The following ADAMTSL3 variants were observed in gnomAD, a reference collection of about 807,000 sequenced individuals.
ADAMTSL3 encodes the protein ADAMTS like 3, also known as ADAMTS-like protein 3.
In ADAMTSL3, 128 loss-of-function variants were observed where a neutral mutation model predicts 201.7. The observed-to-expected ratio is 0.63, with a 90% CI of 0.55 to 0.73. The LOEUF (loss-of-function observed/expected upper bound fraction) is 0.73. ADAMTSL3 is among the 30% of genes least tolerant of loss of function. The pLI, the probability that ADAMTSL3 is intolerant of heterozygous loss-of-function variation, is 0.00. For missense variants in ADAMTSL3, 1,990 were observed against 2,119.6 expected (o/e 0.94, Z 1.20); for synonymous variants, 738 against 748.4 (o/e 0.99, Z 0.23).
chr15:83,787,546 A>G (rs1310125638), intron 4 of ADAMTSL3, among the ~76,000 whole-genome samples: 2 of 152,130 alleles, frequency 1.3e-5, no homozygotes, highest in Non-Finnish European at 2.9e-5. Context: ...ATGTACATGT[A>G]TATAGTTTAA....
chr15:83,729,931 G>C (rs2062238765), intron 3 of ADAMTSL3, among the ~76,000 whole-genome samples: 3 of 152,024 alleles, frequency 2.0e-5, no homozygotes, highest in African/African-American at 4.8e-5. Flanking sequence ...GATGGGACTT[G>C]GGTATTGTGA....
chr15:83,967,926 A>G (rs1400912227), intron 19 of ADAMTSL3, among the ~76,000 whole-genome samples: 1 of 152,242 alleles, frequency 6.6e-6, no homozygotes, highest in Non-Finnish European at 1.5e-5. Context: ...GAAACAAGCA[A>G]TGGGGAAAAG....
At chr15:83,974,405 T>A (rs893002561) in intron 20 of ADAMTSL3, among the ~76,000 whole-genome samples, 1 of 152,212 alleles carries the variant, frequency 6.6e-6, no homozygotes, top group Admixed American at 6.5e-5. Flanking sequence ...GTGCTTCGAA[T>A]CAATGCCAGG....
At chr15:83,839,580 G>T (rs1198277509) in intron 7 of ADAMTSL3, among the ~76,000 whole-genome samples, 1 of 152,158 alleles carries the variant, frequency 6.6e-6, no homozygotes, top group African/African-American at 2.4e-5. Flanking sequence ...CTTGGAAGCA[G>T]GTAGTCCAAA....
chr15:83,995,703 C>T (rs1019315566), intron 23 of ADAMTSL3, among the ~76,000 whole-genome samples: 2 of 151,958 alleles, frequency 1.3e-5, no homozygotes, highest in Non-Finnish European at 2.9e-5. Flanking sequence ...AGAAAATATA[C>T]AAAGTTTTGG....
chr15:84,021,473 G>T lies in ADAMTSL3; in HGVS notation c.4337G>T (p.Arg1446Leu), dbSNP rs141060865. Reference protein sequence around the residue: ...CSATCGHLGARIQRPQCVMAN... With the variant: ...CSATCGHLGALIQRPQCVMAN... Reference sequence around the variant, plus strand: ...GCCACCTGTGGTCATTTGGGAGCCCGCATTCAGAGACCCCAGTGTGTGATG... The same window carrying T: ...GCCACCTGTGGTCATTTGGGAGCCCTCATTCAGAGACCCCAGTGTGTGATG... The change falls in exon 26 of 30, where the codon CGC becomes CTC. Residue 1446 changes from arginine to leucine, a missense_variant. Coordinates refer to ENST00000286744, the MANE Select transcript of ADAMTSL3 (RefSeq NM_207517.3). The T allele has an allele frequency of 1.2e-6, 2 of 1,614,086 alleles. No homozygotes were observed. The highest frequency in any genetic ancestry group is 2.2e-5 in the South Asian group (2 of 91,062).
chr15:84,000,070 A>G (rs538883373), intron 23 of ADAMTSL3, among the ~76,000 whole-genome samples: 1 of 152,212 alleles, frequency 6.6e-6, no homozygotes, highest in South Asian at 2.1e-4. Context: ...AAAAAAAAAA[A>G]AGAACTATCT....
intron 20 of ADAMTSL3, among the ~76,000 whole-genome samples, chr15:83,981,606 C>T (rs1033914033): frequency 6.6e-6 from 1 of 152,236 alleles, no homozygotes; most frequent in Non-Finnish European, 1.5e-5. Context: ...GATTCAAACT[C>T]AGGTTTATCT....
At chr15:83,969,394 A>C (rs947952778) in intron 19 of ADAMTSL3, among the ~76,000 whole-genome samples, 1 of 152,238 alleles carries the variant, frequency 6.6e-6, no homozygotes, top group African/African-American at 2.4e-5. Context: ...CAGTGAGCTG[A>C]GATCATGCCA....
At chr15:83,851,220 C>T (rs1254864861) in intron 7 of ADAMTSL3, among the ~76,000 whole-genome samples, 4 of 152,040 alleles carry the variant, frequency 2.6e-5, no homozygotes, top group Non-Finnish European at 5.9e-5. Flanking sequence ...AAGGGAATTC[C>T]AGTTTAGGAG....
intron 3 of ADAMTSL3, among the ~76,000 whole-genome samples, chr15:83,751,772 C>T (rs2062640626): frequency 6.6e-6 from 1 of 152,134 alleles, no homozygotes; most frequent in Non-Finnish European, 1.5e-5. Flanking sequence ...CTACTTGCTC[C>T]TCATTCATCC....
chr15:83,827,423 A>G (rs1463443682), intron 6 of ADAMTSL3, among the ~76,000 whole-genome samples: 1 of 152,178 alleles, frequency 6.6e-6, no homozygotes, highest in African/African-American at 2.4e-5. Flanking sequence ...CCTTTGTCAG[A>G]CGAGTAGATT....
chr15:83,818,972 T>C (rs1420915750), intron 5 of ADAMTSL3, among the ~76,000 whole-genome samples: 5 of 152,010 alleles, frequency 3.3e-5, no homozygotes, highest in Non-Finnish European at 1.5e-5. Context: ...GAAAGACAGA[T>C]GAATTAAAAA....
intron 17 of ADAMTSL3, among the ~76,000 whole-genome samples, chr15:83,934,158 C>A (rs1157389627): frequency 6.6e-6 from 1 of 152,152 alleles, no homozygotes; most frequent in Admixed American, 6.5e-5. Flanking sequence ...CAACGTCAGC[C>A]CATGAAAGCA....
At chr15:84,035,378 C>G (rs1194725484) in intron 28 of ADAMTSL3, among the ~76,000 whole-genome samples, 2 of 152,186 alleles carry the variant, frequency 1.3e-5, no homozygotes, top group African/African-American at 4.8e-5. Flanking sequence ...CAAGTTTCTT[C>G]AGTGGAAGGC....
intron 4 of ADAMTSL3, 107 bp downstream of exon 4, chr15:83,773,757 G>A (rs2063026966): frequency 4.3e-6 from 6 of 1,380,426 alleles, no homozygotes; most frequent in South Asian, 3.0e-5. Flanking sequence ...TGTGATGATG[G>A]TGTAACGTTT....
At chr15:83,973,934 G>A (rs963576702) in intron 20 of ADAMTSL3, among the ~76,000 whole-genome samples, 1 of 152,144 alleles carries the variant, frequency 6.6e-6, no homozygotes, top group Non-Finnish European at 1.5e-5. Flanking sequence ...CTCTTTGGAG[G>A]GGTAATTTTT....
At chr15:83,989,135 G>C (rs2141830261) in intron 22 of ADAMTSL3, among the ~76,000 whole-genome samples, 1 of 152,226 alleles carries the variant, frequency 6.6e-6, no homozygotes, top group East Asian at 1.9e-4. Flanking sequence ...ACCCGCCTTG[G>C]CCTCCCAGAG....
chr15:83,731,869 C>A (rs113408685), intron 3 of ADAMTSL3, among the ~76,000 whole-genome samples: 2 of 151,776 alleles, frequency 1.3e-5, no homozygotes, highest in African/African-American at 4.8e-5. Context: ...CTCACTTATA[C>A]GTGAAATCTA....
Sources: allele counts gnomAD v4.1 joint callset (sites outside exome capture counted in the v4.1 genomes callset), GRCh38; gene constraint gnomAD v4.1.1; transcripts MANE v1.5; gene names NCBI Gene and HGNC (gene_info 2026-07-23, HGNC 2026-07-21).